The following PKHD1 variants were observed in gnomAD, a reference collection of about 807,000 sequenced individuals.
The protein encoded by PKHD1 is PKHD1 ciliary IPT domain containing fibrocystin/polyductin.
In PKHD1, 291 loss-of-function variants were observed where a neutral mutation model predicts 412.0. The ratio of observed to expected loss-of-function variants is 0.71; its 90% CI spans 0.64 to 0.78. The LOEUF (loss-of-function observed/expected upper bound fraction) is 0.78, where lower values mean the gene tolerates loss of function less well. Among genes scored for constraint, PKHD1 ranks in the 30% least tolerant of loss-of-function variants. The pLI, the probability that PKHD1 is intolerant of heterozygous loss-of-function variation, is 0.00. For missense variants in PKHD1, 4,825 were observed against 4,950.7 expected (o/e 0.97, Z 0.76); for synonymous variants, 1,777 against 1,821.5 (o/e 0.98, Z 0.62).
chr6:51,920,568 G>C (rs1243076064), intron 37 of PKHD1, among the ~76,000 whole-genome samples: 2 of 152,144 alleles, frequency 1.3e-5, no homozygotes, highest in African/African-American at 4.8e-5. Context: ...GTTTATCAGG[G>C]ATATTGGTCT....
intron 37 of PKHD1, among the ~76,000 whole-genome samples, chr6:51,920,776 A>T (rs867433000): frequency 6.6e-6 from 1 of 152,168 alleles, no homozygotes; most frequent in Non-Finnish European, 1.5e-5. Flanking sequence ...TTGGTAAGCT[A>T]TTAATTATTG....
intron 60 of PKHD1, among the ~76,000 whole-genome samples, chr6:51,676,128 A>G (rs2150532746): frequency 6.6e-6 from 1 of 151,916 alleles, no homozygotes; most frequent in Non-Finnish European, 1.5e-5. Flanking sequence ...AACATATATT[A>G]ACTTTGTGTC....
intron 48 of PKHD1, among the ~76,000 whole-genome samples, chr6:51,865,226 C>T (rs951182985): frequency 6.6e-6 from 1 of 152,176 alleles, no homozygotes; most frequent in African/African-American, 2.4e-5. Flanking sequence ...ATAAGCAGCA[C>T]TCACGCAGAT....
At chr6:52,067,776 T>C (rs1033151891) in intron 11 of PKHD1, among the ~76,000 whole-genome samples, 4 of 152,024 alleles carry the variant, frequency 2.6e-5, no homozygotes, top group African/African-American at 4.8e-5. Flanking sequence ...GAGACAGAGA[T>C]AAAGCTGGAG....
intron 60 of PKHD1, among the ~76,000 whole-genome samples, chr6:51,722,931 T>G (rs1782107567): frequency 6.6e-6 from 1 of 152,194 alleles, no homozygotes; most frequent in African/African-American, 2.4e-5. Context: ...ATAGGCCTGC[T>G]CTGAACAATA....
chr6:51,931,181 T>C (rs2127755825), intron 37 of PKHD1, among the ~76,000 whole-genome samples: 1 of 152,122 alleles, frequency 6.6e-6, no homozygotes, highest in East Asian at 1.9e-4. Context: ...GCCACCTGAG[T>C]CACATCACAT....
intron 43 of PKHD1, among the ~76,000 whole-genome samples, chr6:51,895,098 A>C (rs1435611756): frequency 6.6e-6 from 1 of 152,188 alleles, no homozygotes; most frequent in African/African-American, 2.4e-5. Context: ...CTTTGGAATA[A>C]AGGTATATTT....
At chr6:51,828,625 T>C (rs1428240989) in intron 52 of PKHD1, among the ~76,000 whole-genome samples, 4 of 152,180 alleles carry the variant, frequency 2.6e-5, no homozygotes, top group Non-Finnish European at 5.9e-5. Flanking sequence ...AATGAGTTCA[T>C]GCACTTCATC....
At chr6:51,818,005 G>A (rs1582862530) in intron 52 of PKHD1, among the ~76,000 whole-genome samples, 1 of 152,282 alleles carries the variant, frequency 6.6e-6, no homozygotes, top group East Asian at 1.9e-4. Context: ...ATCTAGGTAA[G>A]AGCAATGTTT....
At chr6:52,068,080 G>A (rs1810024396) in intron 11 of PKHD1, among the ~76,000 whole-genome samples, 1 of 152,008 alleles carries the variant, frequency 6.6e-6, no homozygotes, top group Non-Finnish European at 1.5e-5. Context: ...GAGGAGGAAG[G>A]AGAAATTTTA....
chr6:51,743,456 T>C (rs1029326117), intron 60 of PKHD1, among the ~76,000 whole-genome samples: 1 of 152,112 alleles, frequency 6.6e-6, no homozygotes, highest in Non-Finnish European at 1.5e-5. Context: ...TTTTGAGGCA[T>C]ATTGAGTCTG....
intron 11 of PKHD1, among the ~76,000 whole-genome samples, chr6:52,069,233 T>C (rs1030433012): frequency 6.6e-6 from 1 of 152,206 alleles, no homozygotes; most frequent in Non-Finnish European, 1.5e-5. Context: ...TTTATATCCA[T>C]AGAATTTGTA....
At chr6:51,632,952 T>C (rs903381141) in intron 64 of PKHD1, among the ~76,000 whole-genome samples, 12 of 152,106 alleles carry the variant, frequency 7.9e-5, no homozygotes, top group African/African-American at 2.9e-4. Flanking sequence ...TTCTGTCAAT[T>C]ATTGATTGAG....
intron 57 of PKHD1, among the ~76,000 whole-genome samples, chr6:51,749,647 A>G (rs1177524218): frequency 6.6e-6 from 1 of 152,188 alleles, no homozygotes; most frequent in Admixed American, 6.6e-5. Context: ...TGAGGTAGGT[A>G]CAATTATTAT....
At chr6:52,045,853 CAGAA>C (rs1805717714) in intron 24 of PKHD1, 147 bp downstream of exon 24, 1 of 662,342 alleles carries the variant, frequency 1.5e-6, no homozygotes, top group East Asian at 2.8e-5. Context: ...TGAAAACTTC[CAGAA>C]AGAAAGTTCA....
intron 44 of PKHD1, among the ~76,000 whole-genome samples, chr6:51,886,807 G>A (rs1478484859): frequency 6.6e-6 from 1 of 152,164 alleles, no homozygotes; most frequent in East Asian, 1.9e-4. Flanking sequence ...GTCAGATTTT[G>A]TGTCAAACGT....
intron 19 of PKHD1, among the ~76,000 whole-genome samples, chr6:52,055,137 G>C (rs1215073177): frequency 1.3e-5 from 2 of 152,116 alleles, no homozygotes; most frequent in Non-Finnish European, 2.9e-5. Flanking sequence ...AACTGTGCAG[G>C]CACTTTACTA....
intron 33 of PKHD1, among the ~76,000 whole-genome samples, chr6:52,020,695 A>G (rs552987631): frequency 2.6e-5 from 4 of 152,326 alleles, no homozygotes; most frequent in Non-Finnish European, 4.4e-5. Flanking sequence ...TCCATTAGGC[A>G]GAGGATGGAT....
chr6:52,065,152 TATATATATATATATATAGAGAGAGAG>T (rs1219504746), intron 12 of PKHD1, 102 bp from the exon 13 acceptor site: 1 of 76,802 alleles, frequency 1.3e-5, no homozygotes, highest in African/African-American at 6.6e-5. Context: ...TATATATATA[TATATATATATATATATAGAGAGAGAG>T]AGAGAGAGAG....
Sources: allele counts gnomAD v4.1 joint callset (sites outside exome capture counted in the v4.1 genomes callset), GRCh38; gene constraint gnomAD v4.1.1; transcripts MANE v1.5; gene names NCBI Gene and HGNC (gene_info 2026-07-23, HGNC 2026-07-21).